The following GADL1 variants were observed in gnomAD, a reference collection of about 807,000 sequenced individuals.
GADL1 encodes the protein acidic amino acid decarboxylase GADL1.
Under a neutral mutation model 69.5 loss-of-function variants are expected in GADL1, and 71 were observed. That is an observed-to-expected ratio of 1.02 (90% CI 0.84 to 1.25). The LOEUF is 1.25. Ranked by LOEUF, GADL1 falls within the 50% of genes most tolerant of loss-of-function variation. GADL1 has a pLI of 0.00. For synonymous variants in GADL1, 254 were observed against 214.4 expected, an observed-to-expected ratio of 1.18 and a Z score of -1.62; for missense variants, 737 against 631.8, an observed-to-expected ratio of 1.17 and a Z score of -1.79.
intron 14 of GADL1, among the ~76,000 whole-genome samples, chr3:30,765,864 G>A (rs1209789832): frequency 6.6e-6 from 1 of 151,990 alleles, no homozygotes; most frequent in East Asian, 1.9e-4. Context: ...TGCATAATTT[G>A]TCTGTTTCTC....
intron 11 of GADL1, among the ~76,000 whole-genome samples, chr3:30,802,530 C>T (rs1697184282): frequency 6.6e-6 from 1 of 152,114 alleles, no homozygotes; most frequent in Non-Finnish European, 1.5e-5. Flanking sequence ...GAAAATGTTT[C>T]CTTCTGATCA....
chr3:30,884,182 G>C (rs1364641687), intron 1 of GADL1, among the ~76,000 whole-genome samples: 2 of 151,944 alleles, frequency 1.3e-5, no homozygotes, highest in Non-Finnish European at 1.5e-5. Flanking sequence ...AAAAGCAACA[G>C]CCACAGTAGT....
intron 14 of GADL1, among the ~76,000 whole-genome samples, chr3:30,766,931 CAAA>C (rs906447860): frequency 3.3e-5 from 5 of 151,830 alleles, no homozygotes; most frequent in Non-Finnish European, 7.4e-5. Context: ...GTTAAGCAAA[CAAA>C]AAGGCATGGA....
intron 1 of GADL1, among the ~76,000 whole-genome samples, chr3:30,885,243 T>C (rs1011251588): frequency 1.3e-5 from 2 of 152,092 alleles, no homozygotes; most frequent in Non-Finnish European, 2.9e-5. Flanking sequence ...TATTTTTAAT[T>C]AATTTCCAGC....
At chr3:30,857,884 G>A (rs560238053) in intron 2 of GADL1, among the ~76,000 whole-genome samples, 1 of 151,990 alleles carries the variant, frequency 6.6e-6, no homozygotes, top group South Asian at 2.1e-4. Flanking sequence ...CCCATACTGG[G>A]GTCTCTGCAC....
At chr3:30,828,460 CCTT>C (rs1425502180) in intron 11 of GADL1, among the ~76,000 whole-genome samples, 3 of 130,266 alleles carry the variant, frequency 2.3e-5, no homozygotes, top group African/African-American at 8.1e-5. Flanking sequence ...TTCTGCTACT[CCTT>C]CTCCAAAAAT....
In GADL1 at chr3:30,894,571, T is replaced by G. The variant is rs1698831600; in HGVS notation, c.37+7A>C. 1 of 1,547,950 alleles carries G rather than the reference T, an allele frequency of 6.5e-7. No individual in the cohort carries two copies. The highest frequency in any genetic ancestry group is 8.7e-7 in the Non-Finnish European group (1 of 1,145,170). On this transcript the variant is annotated splice_region_variant and intron_variant, in intron 1 of 14. Transcript: ENST00000282538. ...GGACAAAAACCGCAGCCGCGCTGAG[T>G]CGTTACCGTCCACAGGACACTGGCG...
At chr3:30,884,656 A>G (rs1481195427) in intron 1 of GADL1, among the ~76,000 whole-genome samples, 4 of 152,068 alleles carry the variant, frequency 2.6e-5, no homozygotes, top group Non-Finnish European at 5.9e-5. Context: ...ATTACGAGTG[A>G]TAAAAGTCAA....
chr3:30,864,634 C>T (rs17352616), intron 1 of GADL1, among the ~76,000 whole-genome samples: 1,549 of 152,062 alleles, frequency 0.01, 18 homozygotes, highest in Middle Eastern at 0.034. Flanking sequence ...CAGCATTTGT[C>T]CAGGTCAGAA....
chr3:30,755,725 G>A (rs1024996860), intron 14 of GADL1, among the ~76,000 whole-genome samples: 2 of 133,160 alleles, frequency 1.5e-5, no homozygotes, highest in South Asian at 2.6e-4. Context: ...CATTGGAAAT[G>A]TTCAATAAAT....
chr3:30,888,929 C>G (rs1698746598), intron 1 of GADL1, among the ~76,000 whole-genome samples: 1 of 151,394 alleles, frequency 6.6e-6, no homozygotes, highest in African/African-American at 2.4e-5. Flanking sequence ...CAGTGCGGAA[C>G]CAACAGTAAA....
chr3:30,892,413 C>T (rs1698798301), intron 1 of GADL1, among the ~76,000 whole-genome samples: 2 of 152,182 alleles, frequency 1.3e-5, no homozygotes, highest in African/African-American at 2.4e-5. Context: ...TTTTAAGATA[C>T]CATAGCAAGC....
rs777233618 is a variant in GADL1, at chr3:30,728,288, A to G, written c.1520T>C (p.Met507Thr). The change falls in exon 15 of 15, where the codon ATG becomes ACG. Residue 507 changes from methionine (M) to threonine (T), a missense_variant. Physicochemically the swap from Met to Thr is moderately conservative, Grantham distance 81. Coordinates refer to ENST00000282538, the MANE Select transcript of GADL1 (RefSeq NM_207359.3). ...GTCTATCTCATCCAGGAGGAAGTCC[A>G]TGTCCTCCCGGCTCACTTGAGGGCT... is the stretch of plus-strand genomic sequence containing the variant. ...VISPQVSRED[M>T]DFLLDEIDLL... is the part of the protein sequence containing the mutation. 6.2e-7 allele frequency: 1 copy of G among 1,613,866 alleles called. No individual in the cohort carries two copies. The highest frequency in any genetic ancestry group is 8.5e-7 in the Non-Finnish European group (1 of 1,179,808).
At chr3:30,846,465 T>G (rs2125529919) in intron 6 of GADL1, among the ~76,000 whole-genome samples, 1 of 152,270 alleles carries the variant, frequency 6.6e-6, no homozygotes, top group South Asian at 2.1e-4. Flanking sequence ...GAACTGCTGC[T>G]TTCTCCTCAA....
intron 14 of GADL1, among the ~76,000 whole-genome samples, chr3:30,729,451 C>T (rs1347914745): frequency 6.6e-6 from 1 of 152,122 alleles, no homozygotes; most frequent in Admixed American, 6.5e-5. Context: ...TCCTTGCCTT[C>T]TCAGGAAGAT....
intron 1 of GADL1, among the ~76,000 whole-genome samples, chr3:30,889,659 A>G (rs939448034): frequency 6.6e-6 from 1 of 152,112 alleles, no homozygotes; most frequent in African/African-American, 2.4e-5. Flanking sequence ...TTTTTAAATC[A>G]CGCATCTCTT....
intron 13 of GADL1, among the ~76,000 whole-genome samples, chr3:30,785,260 T>A (rs532740114): frequency 2.0e-5 from 3 of 152,330 alleles, no homozygotes; most frequent in African/African-American, 7.2e-5. Context: ...TCCACTTGAA[T>A]GTAAACATGA....
At position 30,795,958 on chromosome 3, in the gene GADL1, A is replaced by G. The variant is rs145865290; in HGVS notation, c.1250+4931T>C. Among the ~76,000 whole-genome samples the G allele has an allele frequency of 1.8e-3, 275 of 152,216 alleles. 2 individuals are homozygous for G. The highest frequency in any genetic ancestry group is 6.2e-3 in the African/African-American group (257 of 41,444). On this transcript the variant is annotated intron_variant, in intron 12 of 14. Coordinates refer to ENST00000282538, the MANE Select transcript of GADL1 (RefSeq NM_207359.3). ...TGCAGCAATGCTCACTAAAATGTTAATTCAATTCAACTTGACAAACATTTA... is the reference window on the plus strand; with the variant it reads ...TGCAGCAATGCTCACTAAAATGTTAGTTCAATTCAACTTGACAAACATTTA...
chr3:30,789,944 C>T (rs372997226), intron 12 of GADL1, among the ~76,000 whole-genome samples: 5 of 152,266 alleles, frequency 3.3e-5, no homozygotes, highest in East Asian at 1.9e-4. Context: ...AAAGTTGTTT[C>T]GCTTTCTTAT....
Sources: allele counts gnomAD v4.1 joint callset (sites outside exome capture counted in the v4.1 genomes callset), GRCh38; gene constraint gnomAD v4.1.1; transcripts MANE v1.5; gene names NCBI Gene and HGNC (gene_info 2026-07-23, HGNC 2026-07-21).